Variants in C1QTNF3 observed in about 807,000 individuals in gnomAD.
C1QTNF3 encodes complement C1q tumor necrosis factor-related protein 3.
Under a neutral mutation model 32.6 loss-of-function variants are expected in C1QTNF3, and 26 were observed. That is an observed-to-expected ratio of 0.80 (90% CI 0.58 to 1.11). The LOEUF (loss-of-function observed/expected upper bound fraction) is 1.11. C1QTNF3 is among the 50% of genes least tolerant of loss of function. C1QTNF3 has a pLI of 0.00. For synonymous variants in C1QTNF3, 155 were observed against 146.0 expected (o/e 1.06, Z -0.44); for missense variants, 362 against 398.2 (o/e 0.91, Z 0.77).
the C1QTNF3 span, chr5:34,169,034 T>C: frequency 6.6e-6 from 1 of 152,128 alleles, no homozygotes; most frequent in Non-Finnish European, 1.5e-5. Flanking sequence ...CACCTTCGGT[T>C]CCTTCCTTCA....
At chr5:34,216,642 GT>G in the C1QTNF3 span, among the ~76,000 whole-genome samples, 1 of 152,122 alleles carries the variant, frequency 6.6e-6, no homozygotes. Context: ...GGTCCGTCTT[GT>G]TCACTTTCAA....
the C1QTNF3 span, among the ~76,000 whole-genome samples, chr5:34,057,928 A>G: frequency 6.6e-6 from 1 of 152,158 alleles, no homozygotes; most frequent in Non-Finnish European, 1.5e-5. Context: ...TTAACCAGTA[A>G]AAGGGACTTT....
upstream of C1QTNF3, among the ~76,000 whole-genome samples, chr5:34,044,308 T>C (rs1754944736): frequency 6.6e-6 from 1 of 152,246 alleles, no homozygotes; most frequent in Non-Finnish European, 1.5e-5. Context: ...ATTTTATTTA[T>C]ATTACTCATT....
At chr5:34,120,293 A>G in the C1QTNF3 span, among the ~76,000 whole-genome samples, 3 of 152,148 alleles carry the variant, frequency 2.0e-5, no homozygotes, top group Non-Finnish European at 4.4e-5. Context: ...GTTTTAGATC[A>G]TATCAGTTTC....
chr5:34,024,175 C>A, intron 4 of C1QTNF3, 167 bp from the exon 5 acceptor site: 6 of 594,446 alleles, frequency 1.0e-5, no homozygotes, highest in Non-Finnish European at 1.8e-5. Flanking sequence ...TATATCTACT[C>A]CCCTTCCAAG....
chr5:34,230,488 C>T, the C1QTNF3 span, among the ~76,000 whole-genome samples: 11 of 151,728 alleles, frequency 7.2e-5, no homozygotes, highest in Admixed American at 1.3e-4. Context: ...CTTCAAAAAC[C>T]AAAACAAAAT....
intron 1 of C1QTNF3, among the ~76,000 whole-genome samples, chr5:34,039,133 T>C (rs1160727225): frequency 1.3e-5 from 2 of 152,108 alleles, no homozygotes; most frequent in Admixed American, 6.5e-5. Context: ...CAAGTGAGCA[T>C]GGTTACAACT....
chr5:34,028,356 CA>C (rs1347818725), intron 4 of C1QTNF3, among the ~76,000 whole-genome samples: 1 of 152,034 alleles, frequency 6.6e-6, no homozygotes, highest in Non-Finnish European at 1.5e-5. Context: ...GAGGTGGTGG[CA>C]GGGGGAGGAA....
chr5:34,145,678 CAAAAAAAAA>C, the C1QTNF3 span, among the ~76,000 whole-genome samples: 2 of 96,944 alleles, frequency 2.1e-5, no homozygotes, highest in Non-Finnish European at 4.1e-5. Context: ...AGAGACACAG[CAAAAAAAAA>C]AAAAAAAAAA....
chr5:34,045,674 T>A (rs1754973605), upstream of C1QTNF3, among the ~76,000 whole-genome samples: 1 of 152,002 alleles, frequency 6.6e-6, no homozygotes, highest in African/African-American at 2.4e-5. Flanking sequence ...CAGAGTGAGT[T>A]CTCCTGCCTT....
At chr5:34,147,898 G>T in the C1QTNF3 span, among the ~76,000 whole-genome samples, 1 of 152,202 alleles carries the variant, frequency 6.6e-6, no homozygotes, top group African/African-American at 2.4e-5. Context: ...AGCTCCCAGC[G>T]TGAGCGACGC....
chr5:34,243,627 T>C, the C1QTNF3 span, among the ~76,000 whole-genome samples: 2 of 152,128 alleles, frequency 1.3e-5, no homozygotes, highest in African/African-American at 2.4e-5. Context: ...TGGAATACTA[T>C]GCCTCCATAA....
chr5:34,229,093 A>G, the C1QTNF3 span, among the ~76,000 whole-genome samples: 1 of 152,150 alleles, frequency 6.6e-6, no homozygotes, highest in Admixed American at 6.6e-5. Context: ...AACATGCTGC[A>G]CGCAGGAAAG....
At chr5:34,021,064 G>A (rs1411531505) in intron 5 of C1QTNF3, among the ~76,000 whole-genome samples, 2 of 152,192 alleles carry the variant, frequency 1.3e-5, no homozygotes, top group East Asian at 3.8e-4. Context: ...CTCCAACCTG[G>A]AACAACCTTG....
At chr5:34,057,230 T>C in the C1QTNF3 span, among the ~76,000 whole-genome samples, 3 of 152,102 alleles carry the variant, frequency 2.0e-5, no homozygotes, top group East Asian at 1.9e-4. Context: ...AAGAGATAAG[T>C]AGAACAGATG....
At chr5:34,029,405 G>T (rs1754557187) in intron 3 of C1QTNF3, among the ~76,000 whole-genome samples, 1 of 151,952 alleles carries the variant, frequency 6.6e-6, no homozygotes, top group African/African-American at 2.4e-5. Context: ...CTCCCAAAGT[G>T]CTGGGATTAT....
In C1QTNF3 at chr5:34,033,291, G is replaced by A. The variant is rs370798197; in HGVS notation, c.570+13C>T. On this transcript the variant is annotated intron_variant, in intron 3 of 5. Transcript: ENST00000382065. ...TTGGAAAGCCACCAGGAGATGTACCGAGGATGGTTTACCTGAAGTTCTGGT... is the reference window on the plus strand; with the variant it reads ...TTGGAAAGCCACCAGGAGATGTACCAAGGATGGTTTACCTGAAGTTCTGGT... 14 of 1,613,030 alleles carry A rather than the reference G, an allele frequency of 8.7e-6. No individual in the cohort carries two copies. Among genetic ancestry groups the A allele is most frequent in the East Asian group, 4.5e-5 (2 of 44,864 alleles).
At chr5:34,177,982 G>A in the C1QTNF3 span, among the ~76,000 whole-genome samples, 2 of 151,812 alleles carry the variant, frequency 1.3e-5, no homozygotes, top group African/African-American at 4.8e-5. Context: ...AATTCAGAAC[G>A]GGGGCTGGGC....
At chr5:34,063,015 G>C in the C1QTNF3 span, among the ~76,000 whole-genome samples, 1 of 152,044 alleles carries the variant, frequency 6.6e-6, no homozygotes, top group Non-Finnish European at 1.5e-5. Flanking sequence ...ACTGGGTTAA[G>C]GATTTTTGCT....
Sources: gnomAD v4.1 joint callset for allele counts (sites outside exome capture counted in the v4.1 genomes callset) on GRCh38, gnomAD v4.1.1 for gene constraint, MANE v1.5 for transcripts, NCBI Gene and HGNC (gene_info 2026-07-23, HGNC 2026-07-21) for gene names.